XKR4: variants seen among roughly 807,000 people sequenced by gnomAD.
XKR4 encodes the protein XK-related protein 4.
In XKR4, 12 loss-of-function variants were observed where a neutral mutation model predicts 53.9. The observed-to-expected ratio is 0.22, with a 90% CI of 0.14 to 0.36. The LOEUF (loss-of-function observed/expected upper bound fraction) is 0.36. Among genes scored for constraint, XKR4 ranks in the 10% least tolerant of loss-of-function variants. The pLI, the probability that XKR4 is intolerant of heterozygous loss-of-function variation, is 1.00. For missense variants in XKR4, 799 were observed against 859.5 expected (o/e 0.93, Z 0.88); for synonymous variants, 354 against 362.4 (o/e 0.98, Z 0.26).
chr8:55,343,146 C>T (rs1713652426), intron 1 of XKR4, among the ~76,000 whole-genome samples: 1 of 152,188 alleles, frequency 6.6e-6, no homozygotes, highest in African/African-American at 2.4e-5. Flanking sequence ...TATGGAGGAT[C>T]ATCCAACTCC....
At chr8:55,489,622 C>T (rs569202467) in intron 2 of XKR4, among the ~76,000 whole-genome samples, 75 of 151,722 alleles carry the variant, frequency 4.9e-4, no homozygotes, top group African/African-American at 1.8e-3. Context: ...TATTATGATG[C>T]ATCAAATATT....
chr8:55,258,051 C>T (rs959406998), intron 1 of XKR4, among the ~76,000 whole-genome samples: 1 of 152,158 alleles, frequency 6.6e-6, no homozygotes, highest in African/African-American at 2.4e-5. Context: ...CCAGGCACCT[C>T]ATCTAACAGC....
intron 1 of XKR4, among the ~76,000 whole-genome samples, chr8:55,131,163 A>AAACAACAACAACAACAAC (rs56967446): frequency 0.14 from 20,846 of 150,184 alleles, 1,779 homozygotes; most frequent in East Asian, 0.36. Context: ...GCTGTCTCAA[A>AAACAACAACAACAACAAC]AACAACAACA....
chr8:55,325,672 A>G (rs147195231), intron 1 of XKR4, among the ~76,000 whole-genome samples: 1 of 152,282 alleles, frequency 6.6e-6, no homozygotes, highest in East Asian at 1.9e-4. Context: ...AAATAATTTT[A>G]AGAAGATTCA....
At position 55,531,540 on chromosome 8, in the gene XKR4, A is replaced by G. The variant is rs919507355; in HGVS notation, c.*7313A>G. On this transcript the variant is annotated 3_prime_UTR_variant, in exon 3 of 3. Transcript: ENST00000327381. Reference sequence around the variant, plus strand: ...AAACTAGATGACTGCTTATAAAGAGAAAAGTAATTTTATAATTTGTTTATA... The same window carrying G: ...AAACTAGATGACTGCTTATAAAGAGGAAAGTAATTTTATAATTTGTTTATA... 3 of 152,184 alleles carry G rather than the reference A, an allele frequency of 2.0e-5. No individual in the cohort carries two copies. Among genetic ancestry groups the G allele is most frequent in the Admixed American group, 2.0e-4 (3 of 15,280 alleles). The allele number at this position is 152,184 out of a possible 1,614,324, so 9.4% of individuals were successfully genotyped here. A position where few individuals can be genotyped will look rare whatever the true frequency, so the allele number is the denominator to read the frequency against.
intron 2 of XKR4, among the ~76,000 whole-genome samples, chr8:55,499,606 T>C (rs1806406010): frequency 6.6e-6 from 1 of 152,214 alleles, no homozygotes; most frequent in South Asian, 2.1e-4. Context: ...CAGTGACCTA[T>C]TGTGAGATGG....
chr8:55,360,366 A>G (rs914860884), intron 2 of XKR4, among the ~76,000 whole-genome samples: 25 of 152,352 alleles, frequency 1.6e-4, no homozygotes, highest in African/African-American at 5.5e-4. Context: ...AGATGATCCC[A>G]CTTACAAACA....
At chr8:55,114,731 G>T (rs1816282075) in intron 1 of XKR4, among the ~76,000 whole-genome samples, 1 of 152,128 alleles carries the variant, frequency 6.6e-6, no homozygotes, top group South Asian at 2.1e-4. Context: ...CTGCAGGCAG[G>T]TTCTCACTCA....
At chr8:55,395,434 A>G in intron 2 of XKR4, among the ~76,000 whole-genome samples, 1 of 152,054 alleles carries the variant, frequency 6.6e-6, no homozygotes, top group Non-Finnish European at 1.5e-5. Flanking sequence ...GAGAAATCAT[A>G]AGTCATGTGG....
rs139714103 is a variant in XKR4, at chr8:55,537,163, G to A, written c.*12936G>A. 3.0e-3 allele frequency: 451 copies of A among 152,220 alleles called. 1 individual carries two copies. Among genetic ancestry groups the A allele is most frequent in the African/African-American group, 1.0e-2 (414 of 41,534 alleles). 9.4% of individuals were successfully genotyped at this position (152,220 alleles called of 1,614,324 possible). A position where few individuals can be genotyped will look rare whatever the true frequency, so the allele number is the denominator to read the frequency against. ...TTGTTGATGTCATGCCAATTTCCAA[G>A]CACCAACTGGTTACCACAAACATGG... On this transcript the variant is annotated 3_prime_UTR_variant, in exon 3 of 3. Transcript: ENST00000327381.
At chr8:55,285,638 C>T (rs781638395) in intron 1 of XKR4, among the ~76,000 whole-genome samples, 11 of 152,272 alleles carry the variant, frequency 7.2e-5, no homozygotes, top group Admixed American at 2.6e-4. Context: ...GAAGAGTTTT[C>T]GCGCCCCTTC....
At chr8:55,414,791 G>A (rs1185953328) in intron 2 of XKR4, among the ~76,000 whole-genome samples, 2 of 152,140 alleles carry the variant, frequency 1.3e-5, no homozygotes, top group African/African-American at 2.4e-5. Context: ...TTAATGAAAA[G>A]TCTAATAAGG....
At chr8:55,381,979 T>C (rs1804241900) in intron 2 of XKR4, among the ~76,000 whole-genome samples, 1 of 152,176 alleles carries the variant, frequency 6.6e-6, no homozygotes, top group African/African-American at 2.4e-5. Context: ...AAAGAGACCT[T>C]ATGTTTTGTC....
intron 2 of XKR4, among the ~76,000 whole-genome samples, chr8:55,522,011 G>A (rs977657185): frequency 1.6e-4 from 24 of 152,316 alleles, no homozygotes; most frequent in African/African-American, 5.5e-4. Flanking sequence ...GTCTTGGTGA[G>A]TCTTGGTTCA....
At chr8:55,217,338 TC>T (rs1396883474) in intron 1 of XKR4, among the ~76,000 whole-genome samples, 1 of 151,548 alleles carries the variant, frequency 6.6e-6, no homozygotes, top group Non-Finnish European at 1.5e-5. Context: ...ACATTAGTAA[TC>T]TGAGAAATTC....
At chr8:55,349,816 CT>C (rs1351204570) in intron 1 of XKR4, among the ~76,000 whole-genome samples, 1 of 152,130 alleles carries the variant, frequency 6.6e-6, no homozygotes, top group Non-Finnish European at 1.5e-5. Flanking sequence ...TTAGTACAGT[CT>C]TTCTAGAGAA....
At chr8:55,229,779 A>T (rs1818006013) in intron 1 of XKR4, among the ~76,000 whole-genome samples, 1 of 151,962 alleles carries the variant, frequency 6.6e-6, no homozygotes, top group Admixed American at 6.6e-5. Context: ...ACAGAAGCTT[A>T]GTCCTGCATT....
intron 1 of XKR4, among the ~76,000 whole-genome samples, chr8:55,151,432 T>G (rs921851471): frequency 6.6e-6 from 1 of 152,316 alleles, no homozygotes; most frequent in African/African-American, 2.4e-5. Context: ...CTCTCCTCAT[T>G]GTCTCATACA....
intron 1 of XKR4, among the ~76,000 whole-genome samples, chr8:55,263,963 T>C (rs1038354767): frequency 2.6e-5 from 4 of 152,208 alleles, no homozygotes; most frequent in Non-Finnish European, 4.4e-5. Context: ...GGAGCCTCCA[T>C]ACGTGAGTTG....
Sources: gnomAD v4.1 joint callset for allele counts (sites outside exome capture counted in the v4.1 genomes callset) on GRCh38, gnomAD v4.1.1 for gene constraint, MANE v1.5 for transcripts, NCBI Gene and HGNC (gene_info 2026-07-23, HGNC 2026-07-21) for gene names.